CMIP: variants seen among roughly 807,000 people sequenced by gnomAD.
CMIP encodes c-Maf inducing protein, also known as C-Maf-inducing protein.
In CMIP, 13 loss-of-function variants were observed where a neutral mutation model predicts 97.3. That is an observed-to-expected ratio of 0.13 (90% CI 0.09 to 0.21). CMIP has a LOEUF of 0.21. Among genes scored for constraint, CMIP ranks in the 10% least tolerant of loss-of-function variants. CMIP has a pLI of 1.00. For synonymous variants in CMIP, 538 were observed against 436.3 expected (o/e 1.23, Z -2.91); for missense variants, 847 against 1,024.9 (o/e 0.83, Z 2.37).
chr16:81,563,069 G>A (rs1050303147), intron 1 of CMIP, among the ~76,000 whole-genome samples: 30 of 152,208 alleles, frequency 2.0e-4, no homozygotes, highest in African/African-American at 6.5e-4. Flanking sequence ...GCGCTGACCC[G>A]CCAGAGGAAA....
chr16:81,611,693 C>G (rs1483077178), intron 2 of CMIP, among the ~76,000 whole-genome samples: 2 of 152,210 alleles, frequency 1.3e-5, no homozygotes, highest in Non-Finnish European at 2.9e-5. Context: ...GTCCCCCAGT[C>G]CTCTCTGTGT....
At chr16:81,658,615 C>T (rs567372052) in intron 5 of CMIP, among the ~76,000 whole-genome samples, 1 of 152,230 alleles carries the variant, frequency 6.6e-6, no homozygotes, top group East Asian at 1.9e-4. Flanking sequence ...TAAAAGCATC[C>T]CAGAGAGAAG....
At chr16:81,520,955 G>A (rs978451534) in intron 1 of CMIP, among the ~76,000 whole-genome samples, 5 of 152,168 alleles carry the variant, frequency 3.3e-5, no homozygotes, top group Admixed American at 6.5e-5. Context: ...CCTGGGTTTC[G>A]CATCCTCTTT....
intron 1 of CMIP, among the ~76,000 whole-genome samples, chr16:81,486,924 C>T (rs2089323086): frequency 6.6e-6 from 1 of 152,264 alleles, no homozygotes; most frequent in Non-Finnish European, 1.5e-5. Flanking sequence ...TTCCATACTC[C>T]CCGGCCTCCT....
intron 1 of CMIP, among the ~76,000 whole-genome samples, chr16:81,514,930 G>C (rs2089883798): frequency 6.6e-6 from 1 of 152,270 alleles, no homozygotes; most frequent in African/African-American, 2.4e-5. Context: ...GGGGCGCTGG[G>C]GTCCAGTAAC....
chr16:81,465,329 T>C (rs768733231), intron 1 of CMIP, among the ~76,000 whole-genome samples: 2 of 152,188 alleles, frequency 1.3e-5, no homozygotes, highest in Non-Finnish European at 2.9e-5. Flanking sequence ...TAGAAACATA[T>C]ATAAACCAGG....
intron 3 of CMIP, among the ~76,000 whole-genome samples, chr16:81,639,978 G>A (rs529797183): frequency 6.6e-6 from 1 of 152,314 alleles, no homozygotes; most frequent in African/African-American, 2.4e-5. Context: ...GTCGGCTGAT[G>A]TACAGCTTTG....
At chr16:81,604,059 A>G (rs2091700982) in intron 1 of CMIP, among the ~76,000 whole-genome samples, 1 of 152,220 alleles carries the variant, frequency 6.6e-6, no homozygotes, top group South Asian at 2.1e-4. Context: ...TTTTGGCCAA[A>G]TGCTGCTTCA....
In CMIP at chr16:81,707,090, T is replaced by A; in HGVS notation, c.2268+6T>A. On this transcript the variant is annotated splice_donor_region_variant and intron_variant, in intron 20 of 20. Transcript: ENST00000537098. ...ACACCTACGAAGATCTGAAGGTAATTCCCTCCTTCCTCCCCACTCTCCTCC... is the reference window on the plus strand; with the variant it reads ...ACACCTACGAAGATCTGAAGGTAATACCCTCCTTCCTCCCCACTCTCCTCC... The A allele has an allele frequency of 6.2e-7, 1 of 1,612,314 alleles. No homozygotes were observed. The highest frequency in any genetic ancestry group is 8.5e-7 in the Non-Finnish European group (1 of 1,178,482).
Position 81,693,503 on chromosome 16 carries a change from C to G in CMIP, c.1530+16C>G. The G allele has an allele frequency of 1.2e-6, 2 of 1,609,050 alleles. No individual in the cohort carries two copies. Among genetic ancestry groups the G allele is most frequent in the Non-Finnish European group, 8.5e-7 (1 of 1,177,086 alleles). On this transcript the variant is annotated intron_variant, in intron 13 of 20. Transcript: ENST00000537098. ...CAGGCAAGAGGTGAGGCCTTTGTTT[C>G]TGCATCTCAGGCCGGCTGTCTGGGG...
intron 1 of CMIP, among the ~76,000 whole-genome samples, chr16:81,573,001 A>C (rs924091310): frequency 3.3e-5 from 5 of 152,238 alleles, no homozygotes; most frequent in African/African-American, 1.2e-4. Flanking sequence ...TAATAAAATG[A>C]AATGACCTCT....
chr16:81,606,457 C>T (rs1045354900), intron 1 of CMIP, among the ~76,000 whole-genome samples: 2 of 152,182 alleles, frequency 1.3e-5, no homozygotes, highest in African/African-American at 4.8e-5. Context: ...CCCGCTTTGG[C>T]TCCTGGTGGC....
chr16:81,707,843 G>T (rs1015537977), intron 20 of CMIP, among the ~76,000 whole-genome samples: 3 of 152,188 alleles, frequency 2.0e-5, no homozygotes, highest in Non-Finnish European at 4.4e-5. Context: ...GGGAGAGAAG[G>T]GCTGGGCTCA....
At chr16:81,568,329 G>A (rs960756134) in intron 1 of CMIP, among the ~76,000 whole-genome samples, 5 of 152,046 alleles carry the variant, frequency 3.3e-5, no homozygotes, top group Non-Finnish European at 7.4e-5. Context: ...CACTGCCTAC[G>A]TGCCTGCCCT....
chr16:81,570,120 G>A (rs2091059091), intron 1 of CMIP, among the ~76,000 whole-genome samples: 1 of 152,122 alleles, frequency 6.6e-6, no homozygotes, highest in Non-Finnish European at 1.5e-5. Flanking sequence ...TCTGCAGACG[G>A]GCTTGTCTGG....
chr16:81,576,834 T>G (rs1042034488), intron 1 of CMIP, among the ~76,000 whole-genome samples: 1 of 152,142 alleles, frequency 6.6e-6, no homozygotes, highest in African/African-American at 2.4e-5. Context: ...TGTTCTCATC[T>G]GTAAAATGGA....
chr16:81,450,644 A>C (rs1004079768), intron 1 of CMIP, among the ~76,000 whole-genome samples: 3 of 152,206 alleles, frequency 2.0e-5, no homozygotes, highest in African/African-American at 7.2e-5. Flanking sequence ...CCTGAGATGA[A>C]TAGTGCATTG....
chr16:81,533,749 G>C (rs1447760729), intron 1 of CMIP, among the ~76,000 whole-genome samples: 2 of 152,192 alleles, frequency 1.3e-5, no homozygotes, highest in Non-Finnish European at 2.9e-5. Context: ...TAAGTGCTGG[G>C]ATTACAGGCA....
chr16:81,618,587 C>A (rs2091952256), intron 2 of CMIP: 3 of 152,308 alleles, frequency 2.0e-5, no homozygotes, highest in African/African-American at 4.8e-5. Flanking sequence ...CTGGAGCCAG[C>A]TCATCCCAGC....
Sources: allele counts gnomAD v4.1 joint callset (sites outside exome capture counted in the v4.1 genomes callset), GRCh38; gene constraint gnomAD v4.1.1; transcripts MANE v1.5; gene names NCBI Gene and HGNC (gene_info 2026-07-23, HGNC 2026-07-21).